The following PTPRM variants were observed in gnomAD, a reference collection of about 807,000 sequenced individuals.
PTPRM encodes protein tyrosine phosphatase receptor type M, also known as receptor-type tyrosine-protein phosphatase mu.
Under a neutral mutation model 186.7 loss-of-function variants are expected in PTPRM, and 47 were observed. That is an observed-to-expected ratio of 0.25 (90% CI 0.20 to 0.32). The LOEUF (loss-of-function observed/expected upper bound fraction) is 0.32, where lower values mean the gene tolerates loss of function less well. Among genes scored for constraint, PTPRM ranks in the 10% least tolerant of loss-of-function variants. The probability of loss-of-function intolerance (pLI) is 1.00; values close to 1 mark genes in which losing one functional copy is unlikely to be tolerated. For missense variants in PTPRM, 1,494 were observed against 1,865.0 expected (o/e 0.80, Z 3.66); for synonymous variants, 668 against 674.9 (o/e 0.99, Z 0.16).
At chr18:8,272,972 G>C (rs1443026237) in intron 19 of PTPRM, among the ~76,000 whole-genome samples, 2 of 152,110 alleles carry the variant, frequency 1.3e-5, no homozygotes, top group Non-Finnish European at 2.9e-5. Context: ...ATTATCTTTA[G>C]TAATGTTTTT....
chr18:7,885,950 T>A (rs758704197), intron 2 of PTPRM, among the ~76,000 whole-genome samples: 1 of 152,218 alleles, frequency 6.6e-6, no homozygotes, highest in Non-Finnish European at 1.5e-5. Flanking sequence ...CTTCACAGGA[T>A]GTGGGCAACA....
At chr18:7,973,758 T>C (rs1396518161) in intron 7 of PTPRM, among the ~76,000 whole-genome samples, 2 of 152,200 alleles carry the variant, frequency 1.3e-5, no homozygotes, top group African/African-American at 4.8e-5. Flanking sequence ...AATAAATGTA[T>C]CATTGGAATA....
intron 2 of PTPRM, among the ~76,000 whole-genome samples, chr18:7,873,356 T>C (rs1470753936): frequency 6.6e-6 from 1 of 152,216 alleles, no homozygotes; most frequent in African/African-American, 2.4e-5. Context: ...CTCTGAGATG[T>C]GCTATGAAAC....
At chr18:8,239,885 G>A (rs578001270) in intron 14 of PTPRM, among the ~76,000 whole-genome samples, 1 of 152,130 alleles carries the variant, frequency 6.6e-6, no homozygotes, top group African/African-American at 2.4e-5. Flanking sequence ...AATTACTAAG[G>A]GCCTTTGAGA....
chr18:7,589,396 C>T (rs538419568), intron 1 of PTPRM, among the ~76,000 whole-genome samples: 16 of 152,246 alleles, frequency 1.1e-4, no homozygotes, highest in South Asian at 1.0e-3. Context: ...TTTGGCCTGT[C>T]GGTGTTCTGT....
chr18:7,863,855 G>A (rs2047524957), intron 2 of PTPRM, among the ~76,000 whole-genome samples: 2 of 152,058 alleles, frequency 1.3e-5, no homozygotes, highest in South Asian at 4.1e-4. Context: ...ATCCTCTCCA[G>A]CATCTATTGT....
In PTPRM at chr18:8,170,633, C is replaced by T. The variant is rs112564023; in HGVS notation, c.2300+26854C>T. On this transcript the variant is annotated intron_variant, in intron 14 of 32. Transcript: ENST00000580170. ...ATTCTTACAAATAAATGTTAAGACT[C>T]ATGGCCTGGGGAAGGAGGAGAAACT... 9.3e-3 allele frequency among the ~76,000 whole-genome samples: 1,422 copies of T among 152,184 alleles called. 9 individuals carry two copies. Among genetic ancestry groups the T allele is most frequent in the Non-Finnish European group, 0.015 (1,005 of 68,008 alleles).
At chr18:8,390,228 G>A (rs192305117) in intron 31 of PTPRM, among the ~76,000 whole-genome samples, 1 of 152,206 alleles carries the variant, frequency 6.6e-6, no homozygotes. Flanking sequence ...AGTGGGTGGG[G>A]AAGACTGCCT....
chr18:7,643,225 T>A (rs2038485540), intron 1 of PTPRM, among the ~76,000 whole-genome samples: 1 of 152,186 alleles, frequency 6.6e-6, no homozygotes, highest in Non-Finnish European at 1.5e-5. Flanking sequence ...TTCCCTAGTA[T>A]AATGCTTTAT....
At chr18:7,874,549 CAA>C (rs369374276) in intron 2 of PTPRM, among the ~76,000 whole-genome samples, 2 of 136,776 alleles carry the variant, frequency 1.5e-5, no homozygotes, top group Non-Finnish European at 1.6e-5. Flanking sequence ...ATGCTAGAGG[CAA>C]AAAAAAAAGA....
At chr18:8,184,381 C>T (rs1601075065) in intron 14 of PTPRM, among the ~76,000 whole-genome samples, 1 of 152,268 alleles carries the variant, frequency 6.6e-6, no homozygotes, top group South Asian at 2.1e-4. Flanking sequence ...TAAAGTCCCA[C>T]TGACTTTAAT....
In PTPRM at chr18:8,096,901, T is replaced by A. The variant is rs532285840; in HGVS notation, c.1856+8050T>A. Among the ~76,000 whole-genome samples, 88 of 152,322 alleles carry A rather than the reference T, an allele frequency of 5.8e-4. 1 individual carries two copies. Among genetic ancestry groups the A allele is most frequent in the Admixed American group, 1.9e-3 (29 of 15,304 alleles). ...AAGAGACTGATAAAGTCATGTGTGA[T>A]CACTAAGCCGGTATGCTTCTTAGAG... is the stretch of plus-strand genomic sequence containing the variant. On this transcript the variant is annotated intron_variant, in intron 11 of 32. Coordinates refer to ENST00000580170, the MANE Select transcript of PTPRM (RefSeq NM_001105244.2).
intron 11 of PTPRM, among the ~76,000 whole-genome samples, chr18:8,102,618 AGTT>A (rs781567696): frequency 1.3e-5 from 2 of 152,166 alleles, no homozygotes; most frequent in African/African-American, 2.4e-5. Flanking sequence ...TTCTAATTCT[AGTT>A]GTTCTTTCCA....
intron 9 of PTPRM, among the ~76,000 whole-genome samples, chr18:8,080,355 A>G (rs2090061205): frequency 6.6e-6 from 1 of 152,188 alleles, no homozygotes; most frequent in African/African-American, 2.4e-5. Flanking sequence ...AGACTAACAC[A>G]TGGATTGTTT....
chr18:7,983,674 A>G (rs943474924), intron 7 of PTPRM, among the ~76,000 whole-genome samples: 23 of 152,082 alleles, frequency 1.5e-4, no homozygotes, highest in Admixed American at 3.9e-4. Context: ...TTCTGTCTCA[A>G]TCAGAACTAG....
intron 7 of PTPRM, among the ~76,000 whole-genome samples, chr18:8,056,751 C>CA (rs34470950): frequency 0.59 from 84,164 of 143,796 alleles, 24,007 homozygotes; most frequent in Non-Finnish European, 0.64. Flanking sequence ...CCTTTTTTAG[C>CA]AAAAAAAAAA....
chr18:8,112,753 G>T (rs1036626085), intron 11 of PTPRM, among the ~76,000 whole-genome samples: 21 of 152,130 alleles, frequency 1.4e-4, no homozygotes, highest in Non-Finnish European at 2.8e-4. Flanking sequence ...AGGATGAGCG[G>T]GTACCAGAGA....
chr18:7,871,136 A>G (rs889526546), intron 2 of PTPRM, among the ~76,000 whole-genome samples: 3 of 152,222 alleles, frequency 2.0e-5, no homozygotes, highest in Non-Finnish European at 4.4e-5. Flanking sequence ...CCCAACAATA[A>G]CTGTGGACAT....
chr18:8,363,068 C>G (rs1199423022), intron 23 of PTPRM, among the ~76,000 whole-genome samples: 1 of 152,244 alleles, frequency 6.6e-6, no homozygotes, highest in Admixed American at 6.5e-5. Context: ...CTCTGCTTGT[C>G]ATGCGCTTTC....
Sources: gnomAD v4.1 joint callset for allele counts (sites outside exome capture counted in the v4.1 genomes callset) on GRCh38, gnomAD v4.1.1 for gene constraint, MANE v1.5 for transcripts, NCBI Gene and HGNC (gene_info 2026-07-23, HGNC 2026-07-21) for gene names.